Variants in KMT2E observed in about 807,000 individuals in gnomAD.
KMT2E encodes histone reader KMT2E.
KMT2E carries 30 observed loss-of-function variants against 184.6 expected under a neutral mutation model. The ratio of observed to expected loss-of-function variants is 0.16; its 90% confidence interval spans 0.12 to 0.22. The LOEUF (loss-of-function observed/expected upper bound fraction) is 0.22, where lower values mean the gene tolerates loss of function less well. KMT2E is among the 10% of genes least tolerant of loss of function. The probability of loss-of-function intolerance (pLI) is 1.00; values close to 1 mark genes in which losing one functional copy is unlikely to be tolerated. For synonymous variants in KMT2E, 815 were observed against 776.5 expected (o/e 1.05, Z -0.82); for missense variants, 2,023 against 2,237.4 (o/e 0.90, Z 1.93).
chr7:105,092,465 G>A (rs1186772134), intron 15 of KMT2E, among the ~76,000 whole-genome samples: 1 of 152,092 alleles, frequency 6.6e-6, no homozygotes, highest in Non-Finnish European at 1.5e-5. Context: ...CACCTTGATA[G>A]TTTTCTAATA....
chr7:105,112,807 C>CA lies in KMT2E; in HGVS notation c.5051_5052insA (p.Gly1685TrpfsTer184). 6.5e-7 allele frequency: 1 copy of CA among 1,546,260 alleles called. No individual in the cohort carries two copies. Among genetic ancestry groups the CA allele is most frequent in the Non-Finnish European group, 8.8e-7 (1 of 1,135,416 alleles). On this transcript the variant is annotated frameshift_variant, in exon 27 of 27. Transcript: ENST00000311117. LOFTEE classifies it high-confidence loss of function. ...CACTTACCCCCACCCCCACCCCCTC[C>CA]TGGTCCTGCCCCTCATCACCATCCA...
chr7:105,040,974 G>T lies in KMT2E; in HGVS notation c.22G>T (p.Gly8Trp). The T allele has an allele frequency of 6.2e-7, 1 of 1,613,144 alleles. No homozygotes were observed. Residue 8 changes from glycine (G) to tryptophan (W), a missense_variant, in exon 3 of 27, where the codon GGG (glycine) becomes TGG (tryptophan). Gly to Trp is a radical substitution (Grantham distance 184). Around this residue, in one of 8 missense-constraint regions of KMT2E, gnomAD observed 63 missense variants for 68.9 expected, o/e 0.91. Coordinates refer to ENST00000311117, the MANE Select transcript of KMT2E (RefSeq NM_182931.3). MSIVIPL[G>W]VDTAETSYLE... ...CGTCATGAGCATAGTGATCCCATTG[G>T]GGGTTGATACAGCAGAGACGTCATA...
At chr7:105,084,163 C>T (rs1253558179) in intron 13 of KMT2E, among the ~76,000 whole-genome samples, 1 of 152,152 alleles carries the variant, frequency 6.6e-6, no homozygotes, top group Non-Finnish European at 1.5e-5. Flanking sequence ...GGTACTTATG[C>T]TGGATTCATT....
At chr7:105,106,377 A>G (rs1798898140) in intron 19 of KMT2E, 145 bp from the exon 20 acceptor site, 1 of 792,424 alleles carries the variant, frequency 1.3e-6, no homozygotes. Flanking sequence ...TGTTAGTACC[A>G]TTTTTTTAAA....
At chr7:105,056,687 A>G (rs1276475791) in intron 3 of KMT2E, among the ~76,000 whole-genome samples, 11 of 152,244 alleles carry the variant, frequency 7.2e-5, no homozygotes, top group Non-Finnish European at 1.6e-4. Flanking sequence ...ATTGTGAACT[A>G]AAGTTATAAA....
rs141319599 is a variant in KMT2E at position 105,022,776 on chromosome 7, C to G, written c.-189+8241C>G. On this transcript the variant is annotated intron_variant, in intron 1 of 26. Transcript: ENST00000311117. ...TTTTCTTCTTTTCTTTACTTGGGTA[C>G]ATACATACACATATACACCAGGGTT... 3.9e-5 allele frequency among the ~76,000 whole-genome samples: 6 copies of G among 152,242 alleles called. No homozygotes were observed. The East Asian group carries it at 1.2e-3, about 29-fold the overall frequency.
intron 4 of KMT2E, 112 bp downstream of exon 4, chr7:105,062,390 CT>C: frequency 1.7e-6 from 1 of 591,716 alleles, no homozygotes; most frequent in Non-Finnish European, 2.9e-6. Context: ...TTGTTTCATA[CT>C]ATCAAAATAA....
intron 3 of KMT2E, among the ~76,000 whole-genome samples, chr7:105,058,784 C>A (rs930957894): frequency 1.3e-5 from 2 of 152,022 alleles, no homozygotes; most frequent in African/African-American, 4.8e-5. Flanking sequence ...TTATTTTTGA[C>A]CATTTTGAAA....
At chr7:105,107,133 A>G in intron 20 of KMT2E, 33 bp from the exon 21 acceptor site, 1 of 1,185,860 alleles carries the variant, frequency 8.4e-7, no homozygotes. Context: ...CGTATTTTTA[A>G]ATTTTCAATT....
At chr7:105,105,174 AG>A (rs1798845454) in intron 17 of KMT2E, 2 of 283,040 alleles carry the variant, frequency 7.1e-6, no homozygotes, top group African/African-American at 4.4e-5. Context: ...CAAAAAAAAA[AG>A]TAATACAAAT....
At position 105,113,447 on chromosome 7, in the gene KMT2E, C is replaced by A; in HGVS notation, c.*114C>A. The A allele has an allele frequency of 8.7e-7, 1 of 1,144,420 alleles. No individual in the cohort carries two copies. Among genetic ancestry groups the A allele is most frequent in the Non-Finnish European group, 1.2e-6 (1 of 841,200 alleles). 70.9% of individuals were successfully genotyped at this position (1,144,420 alleles called of 1,614,324 possible). A position where few individuals can be genotyped will look rare whatever the true frequency, so the allele number is the denominator to read the frequency against. ...ACATGAACCTTTGTATAAAAAACACCAGTGCTCTTTCGTTGTATTTTTCTC... is the reference window on the plus strand; with the variant it reads ...ACATGAACCTTTGTATAAAAAACACAAGTGCTCTTTCGTTGTATTTTTCTC... On this transcript the variant is annotated 3_prime_UTR_variant, in exon 27 of 27. Coordinates refer to ENST00000311117, the MANE Select transcript of KMT2E (RefSeq NM_182931.3).
chr7:105,105,681 T>G lies in KMT2E; in HGVS notation c.2439T>G (p.Gly813=). 6.2e-7 allele frequency: 1 copy of G among 1,600,624 alleles called. No homozygotes were observed. Among genetic ancestry groups the G allele is most frequent in the Non-Finnish European group, 8.5e-7 (1 of 1,176,620 alleles). ...AAGAACCTACTGAAAACATTTCTGG[T>G]TCATGCAAGAAGGTAAACTTTTCTT... The part of the protein sequence containing the change: ...RRKEPTENIS[G]SCKKRWLKQA... The change falls in exon 18 of 27, where the codon GGT becomes GGG. Residue 813 remains glycine, a synonymous_variant. Transcript: ENST00000311117.
At chr7:105,100,607 A>G (rs1044507013) in intron 15 of KMT2E, among the ~76,000 whole-genome samples, 10 of 152,170 alleles carry the variant, frequency 6.6e-5, no homozygotes, top group African/African-American at 9.7e-5. Context: ...TGCTCAAAGG[A>G]ACACTTGGCT....
chr7:105,032,626 C>T (rs184851142), intron 1 of KMT2E, among the ~76,000 whole-genome samples: 70 of 152,274 alleles, frequency 4.6e-4, no homozygotes, highest in African/African-American at 1.7e-3. Context: ...CTCAGCCTCC[C>T]AGTTAGCTGG....
intron 1 of KMT2E, among the ~76,000 whole-genome samples, chr7:105,021,928 G>A (rs1794972585): frequency 6.6e-6 from 1 of 152,020 alleles, no homozygotes; most frequent in Non-Finnish European, 1.5e-5. Context: ...AAATTTACTT[G>A]AATAGTACAA....
chr7:105,066,969 A>G (rs1797051011), intron 6 of KMT2E, among the ~76,000 whole-genome samples, 162 bp downstream of exon 6: 1 of 149,358 alleles, frequency 6.7e-6, no homozygotes, highest in Non-Finnish European at 1.5e-5. Flanking sequence ...AGGCAGGAAG[A>G]TTGCTTGAGC....
At chr7:105,057,662 C>A (rs10231782) in intron 3 of KMT2E, among the ~76,000 whole-genome samples, 42,030 of 151,726 alleles carry the variant, frequency 0.28, 8,642 homozygotes, top group East Asian at 0.64. Flanking sequence ...TGTGTTGCCC[C>A]GACTGGTCAT....
chr7:105,083,117 A>G (rs1405674742), intron 13 of KMT2E, among the ~76,000 whole-genome samples: 1 of 152,164 alleles, frequency 6.6e-6, no homozygotes, highest in South Asian at 2.1e-4. Context: ...CTGTGAAGTC[A>G]TGCACAACAT....
chr7:105,059,804 A>G (rs1485994044), intron 3 of KMT2E, among the ~76,000 whole-genome samples: 1 of 152,002 alleles, frequency 6.6e-6, no homozygotes, highest in Non-Finnish European at 1.5e-5. Flanking sequence ...TAACATGAGA[A>G]TGTTTGGGAG....
Sources: allele counts gnomAD v4.1 joint callset (sites outside exome capture counted in the v4.1 genomes callset), GRCh38; gene constraint gnomAD v4.1.1; regional missense constraint gnomAD v4.1.1; transcripts MANE v1.5; gene names NCBI Gene and HGNC (gene_info 2026-07-23, HGNC 2026-07-21).